Variants in EZH1 observed in about 807,000 individuals in gnomAD.
The protein encoded by EZH1 is enhancer of zeste 1 polycomb repressive complex 2 subunit.
Under a neutral mutation model 100.5 loss-of-function variants are expected in EZH1, and 33 were observed. That is an observed-to-expected ratio of 0.33 (90% CI 0.25 to 0.44). EZH1 has a LOEUF of 0.44. Ranked by LOEUF, EZH1 falls within the 20% of genes least tolerant of loss-of-function variation. The pLI, the probability that EZH1 is intolerant of heterozygous loss-of-function variation, is 1.00. For synonymous variants in EZH1, 272 were observed against 313.8 expected, an observed-to-expected ratio of 0.87 and a Z score of 1.41; for missense variants, 475 against 928.4, an observed-to-expected ratio of 0.51 and a Z score of 6.35.
intron 6 of EZH1, among the ~76,000 whole-genome samples, chr17:42,722,440 C>T (rs369906676): frequency 6.6e-6 from 1 of 151,854 alleles, no homozygotes. Flanking sequence ...GCCTGACCAA[C>T]ATGGTGAAAC....
intron 19 of EZH1, chr17:42,703,255 A>C: frequency 1.8e-5 from 6 of 340,118 alleles, no homozygotes; most frequent in Non-Finnish European, 2.8e-5. Context: ...GCTCATTGCA[A>C]CCTCTGCCTC....
At chr17:42,729,646 C>T (rs1024327430) in intron 2 of EZH1, among the ~76,000 whole-genome samples, 7 of 149,628 alleles carry the variant, frequency 4.7e-5, no homozygotes, top group African/African-American at 4.9e-5. Flanking sequence ...AGCTGAGACA[C>T]GAGAATTTCT....
At chr17:42,740,229 A>G (rs1459278354) in intron 1 of EZH1, among the ~76,000 whole-genome samples, 2 of 150,018 alleles carry the variant, frequency 1.3e-5, no homozygotes, top group African/African-American at 4.9e-5. Context: ...TTATATTTTC[A>G]GTGGAGACAA....
At chr17:42,704,796 A>G in intron 17 of EZH1, 113 bp from the exon 18 acceptor site, 1 of 791,632 alleles carries the variant, frequency 1.3e-6, no homozygotes, top group Non-Finnish European at 2.1e-6. Flanking sequence ...ACTGAGCATC[A>G]TGATGAGAAT....
intron 14 of EZH1, among the ~76,000 whole-genome samples, chr17:42,708,478 AACCCCGTCTCTACTAAAAAT>A (rs753737270): frequency 4.9e-4 from 75 of 152,192 alleles, no homozygotes; most frequent in Non-Finnish European, 9.3e-4. Context: ...AACATGGTGA[AACCCCGTCTCTACTAAAAAT>A]ACAAAAATTA....
rs541511732 is a variant in EZH1 at position 42,730,679 on chromosome 17, G to A, written c.-12+149C>T. On this transcript the variant is annotated intron_variant, in intron 2 of 20. Coordinates refer to ENST00000428826, the MANE Select transcript of EZH1 (RefSeq NM_001991.5). ...GCCCGGCTAATTTTTTGTATTTTTA[G>A]TAGAGACGGGGTTTCACCGTGTTAG... 6 of 170,994 alleles carry A rather than the reference G, an allele frequency of 3.5e-5. No homozygotes were observed. In the South Asian group the frequency reaches 1.2e-3, roughly 34 times the overall value. The allele number at this position is 170,994 out of a possible 1,614,324, so 10.6% of individuals were successfully genotyped here.
intron 10 of EZH1, among the ~76,000 whole-genome samples, chr17:42,716,699 T>C (rs1425034910): frequency 6.6e-6 from 1 of 152,108 alleles, no homozygotes; most frequent in Non-Finnish European, 1.5e-5. Context: ...AATTTCATTT[T>C]ATTATTATTT....
rs969050561 is a variant in EZH1 at position 42,727,763 on chromosome 17, C to T, written c.118G>A (p.Ala40Thr). The part of the protein sequence containing the change: ...KRLQANMGAK[A>T]LYVANFAKVQ... ...TTTGCAAAATTTGCCACATACAAAG[C>T]CTAGCAAAGCCATGGAAAAGATTAA... Residue 40 changes from alanine to threonine, a missense_variant and splice_region_variant, in exon 4 of 21, where the codon GCT (alanine) becomes ACT (threonine). By Grantham distance (58) the Ala-to-Thr change is moderately conservative. Transcript: ENST00000428826. 5 of 1,588,948 alleles carry T rather than the reference C, an allele frequency of 3.1e-6. No homozygotes were observed. The highest frequency in any genetic ancestry group is 1.4e-5 in the African/African-American group (1 of 72,820).
intron 1 of EZH1, among the ~76,000 whole-genome samples, chr17:42,736,798 C>A (rs1346878566): frequency 6.6e-6 from 1 of 151,970 alleles, no homozygotes; most frequent in Non-Finnish European, 1.5e-5. Context: ...TTGCAGTGAT[C>A]TGAGAATGCG....
chr17:42,724,950 T>C (rs1362715132), intron 4 of EZH1, among the ~76,000 whole-genome samples: 1 of 151,948 alleles, frequency 6.6e-6, no homozygotes, highest in African/African-American at 2.4e-5. Flanking sequence ...GGGTGGATCA[T>C]GAAGTCAGGA....
chr17:42,734,683 GTAAA>G (rs894826122), intron 1 of EZH1, among the ~76,000 whole-genome samples: 14 of 137,934 alleles, frequency 1.0e-4, no homozygotes, highest in Non-Finnish European at 1.6e-4. Context: ...AAAAAAAAAA[GTAAA>G]GAAAGAAAGA....
At position 42,713,198 on chromosome 17, in the gene EZH1, G is replaced by A. The variant is rs765701710; in HGVS notation, c.1204+11C>T. The A allele has an allele frequency of 1.2e-6, 2 of 1,611,736 alleles. No homozygotes were observed. The highest frequency in any genetic ancestry group is 1.7e-6 in the Non-Finnish European group (2 of 1,179,230). ...TGGAAAGAAAAAGTCTTCATTTTCT[G>A]TTCATCGTACCTGAAGAACTGGAGG... On this transcript the variant is annotated intron_variant, in intron 11 of 20. Coordinates refer to ENST00000428826, the MANE Select transcript of EZH1 (RefSeq NM_001991.5).
chr17:42,712,055 C>A (rs1293848164), intron 12 of EZH1, among the ~76,000 whole-genome samples: 1 of 151,790 alleles, frequency 6.6e-6, no homozygotes, highest in African/African-American at 2.4e-5. Context: ...TAAATAGAGT[C>A]CAGACAGAAA....
In EZH1 at chr17:42,702,189, C is replaced by T. The variant is rs1597817819; in HGVS notation, c.*343G>A. On this transcript the variant is annotated 3_prime_UTR_variant, in exon 21 of 21. Coordinates refer to ENST00000428826, the MANE Select transcript of EZH1 (RefSeq NM_001991.5). ...ATTACAGGCTAGCGCTTGTTGGGAA[C>T]TGCCTAAGTTGATTCCTGAGGCCAC... 8.1e-6 allele frequency: 2 copies of T among 247,460 alleles called. No individual in the cohort carries two copies. The highest frequency in any genetic ancestry group is 5.0e-5 in the Admixed American group (1 of 20,122). The allele number at this position is 247,460 out of a possible 1,614,324, so 15.3% of individuals were successfully genotyped here. A position where few individuals can be genotyped will look rare whatever the true frequency, so the allele number is the denominator to read the frequency against.
intron 5 of EZH1, among the ~76,000 whole-genome samples, chr17:42,723,266 T>G (rs775195108): frequency 6.6e-6 from 1 of 151,870 alleles, no homozygotes; most frequent in Non-Finnish European, 1.5e-5. Flanking sequence ...TCCCAGCTAC[T>G]AGGGAGGCTG....
chr17:42,735,223 G>A (rs1452115804), intron 1 of EZH1, among the ~76,000 whole-genome samples: 6 of 151,920 alleles, frequency 3.9e-5, no homozygotes, highest in African/African-American at 9.7e-5. Flanking sequence ...CCAGGAGCTC[G>A]AGACCAGCCT....
intron 13 of EZH1, 46 bp from the exon 14 acceptor site, chr17:42,708,962 C>T: frequency 6.2e-7 from 1 of 1,611,250 alleles, no homozygotes; most frequent in Non-Finnish European, 8.5e-7. Flanking sequence ...CCCTAGGGAG[C>T]TCTGCAAATG....
chr17:42,709,275 T>C (rs1294175997), intron 13 of EZH1: 2 of 246,828 alleles, frequency 8.1e-6, no homozygotes, highest in Non-Finnish European at 7.9e-6. Context: ...AGTTTCAAGA[T>C]GGGGAGGTGG....
chr17:42,713,417 A>G, intron 10 of EZH1, 28 bp from the exon 11 acceptor site: 1 of 1,572,742 alleles, frequency 6.4e-7, no homozygotes, highest in Non-Finnish European at 8.7e-7. Flanking sequence ...CAGACAGGAA[A>G]TAGGAACAGG....
Sources: gnomAD v4.1 joint callset for allele counts (sites outside exome capture counted in the v4.1 genomes callset) on GRCh38, gnomAD v4.1.1 for gene constraint, MANE v1.5 for transcripts, NCBI Gene and HGNC (gene_info 2026-07-23, HGNC 2026-07-21) for gene names.